Variants in CANX observed in about 807,000 individuals in gnomAD.
CANX encodes the protein epididymis secretory sperm binding protein.
In CANX, 14 loss-of-function variants were observed where a neutral mutation model predicts 75.7. The observed-to-expected ratio is 0.19, with a 90% CI of 0.12 to 0.29. The LOEUF is 0.29. Ranked by LOEUF, CANX falls within the 10% of genes least tolerant of loss-of-function variation. CANX has a pLI of 1.00. For missense variants in CANX, 567 were observed against 713.2 expected (o/e 0.79, Z 2.34); for synonymous variants, 227 against 236.9 (o/e 0.96, Z 0.38).
upstream of CANX, chr5:179,694,194 A>G: frequency 3.2e-6 from 1 of 311,572 alleles, no homozygotes. Context: ...CAATACAGCC[A>G]GGATGGCTAA....
chr5:179,689,841 A>G (rs866942632), intron 1 of CANX, among the ~76,000 whole-genome samples: 25 of 152,280 alleles, frequency 1.6e-4, no homozygotes, highest in Admixed American at 5.2e-4. Context: ...GATTTTGAGG[A>G]CATTTAATGA....
intron 1 of CANX, among the ~76,000 whole-genome samples, chr5:179,680,124 A>G (rs907311989): frequency 6.6e-6 from 1 of 152,032 alleles, no homozygotes; most frequent in Admixed American, 6.6e-5. Context: ...CAGGACTTTC[A>G]TATTTCAGAT....
chr5:179,684,596 T>C (rs1406207184), intron 1 of CANX, among the ~76,000 whole-genome samples: 1 of 151,944 alleles, frequency 6.6e-6, no homozygotes, highest in Non-Finnish European at 1.5e-5. Flanking sequence ...CACCTCGGCC[T>C]CCCAAAGTGC....
rs779124132 is a variant in CANX, at chr5:179,705,746, A to T, written c.65A>T (p.Asp22Val). 3.0e-5 allele frequency: 48 copies of T among 1,608,524 alleles called. No individual in the cohort carries two copies. The highest frequency in any genetic ancestry group is 4.0e-5 in the Non-Finnish European group (47 of 1,174,992). Residue 22 changes from aspartate (D) to valine (V), a missense_variant, in exon 2 of 15, where the codon GAT becomes GTT. By Grantham distance (152) the Asp-to-Val change is radical (BLOSUM62 -3). Transcript: ENST00000247461. ...VLGTAIVEAH[D>V]GHDDDVIDIE... Reference sequence around the variant, plus strand: ...GGAACTGCTATTGTTGAGGCTCATGATGGACATGATGATGATGTGATTGAT... The same window carrying T: ...GGAACTGCTATTGTTGAGGCTCATGTTGGACATGATGATGATGTGATTGAT...
chr5:179,719,799 C>A lies in CANX; in HGVS notation c.1025+18C>A. 1.5e-6 allele frequency: 2 copies of A among 1,335,504 alleles called. No homozygotes were observed. The highest frequency in any genetic ancestry group is 2.1e-6 in the Non-Finnish European group (2 of 952,306). 82.7% of individuals were successfully genotyped at this position (1,335,504 alleles called of 1,614,324 possible). A position where few individuals can be genotyped will look rare whatever the true frequency, so the allele number is the denominator to read the frequency against. On this transcript the variant is annotated intron_variant, in intron 9 of 14. Transcript: ENST00000247461. ...GAGGATTGGTAAGAACTTCAGTTAA[C>A]TTTTTTTAATTACCTGGTTTTTTTG...
intron 14 of CANX, among the ~76,000 whole-genome samples, chr5:179,727,504 A>G (rs1041978745): frequency 6.6e-6 from 1 of 152,192 alleles, no homozygotes; most frequent in East Asian, 1.9e-4. Flanking sequence ...ATTGAGGCCT[A>G]AAGTGGTTGT....
At chr5:179,680,100 T>G (rs183986841) in intron 1 of CANX, among the ~76,000 whole-genome samples, 275 of 151,802 alleles carry the variant, frequency 1.8e-3, no homozygotes, top group South Asian at 0.014. Context: ...TGTGAGCCAC[T>G]GTACCCGGCA....
At chr5:179,686,102 CTTT>C (rs757104413) in intron 1 of CANX, among the ~76,000 whole-genome samples, 2 of 128,598 alleles carry the variant, frequency 1.6e-5, no homozygotes, top group African/African-American at 2.8e-5. Flanking sequence ...TTGTTCAAGT[CTTT>C]TTTTTTTTTT....
intron 1 of CANX, among the ~76,000 whole-genome samples, chr5:179,687,043 C>T (rs1230891712): frequency 6.6e-6 from 1 of 152,152 alleles, no homozygotes; most frequent in Non-Finnish European, 1.5e-5. Flanking sequence ...TCCCAAAGGT[C>T]TGGGAATACA....
At chr5:179,694,652 T>C, upstream of CANX, 1 of 794,600 alleles carries the variant, frequency 1.3e-6, no homozygotes, top group Non-Finnish European at 2.2e-6. Flanking sequence ...AGAAGGATGT[T>C]GCTGATTCTA....
chr5:179,679,731 T>A (rs1776005864), intron 1 of CANX, among the ~76,000 whole-genome samples: 3 of 152,008 alleles, frequency 2.0e-5, no homozygotes. Context: ...CGATCTTGGC[T>A]CACTGCAACC....
chr5:179,731,582 CAT>C lies in CANX; in HGVS notation c.*2941_*2942del, dbSNP rs923196525. Among the ~76,000 whole-genome samples the C allele has an allele frequency of 5.3e-5, 8 of 151,918 alleles. No individual in the cohort carries two copies. Among genetic ancestry groups the C allele is most frequent in the African/African-American group, 1.7e-4 (7 of 41,380 alleles). ...TTTTTCTGCTGCGTTTGTATGAAGA[CAT>C]ATTTGATTGTTGTTTTCTCTTGATT... On this transcript the variant is annotated 3_prime_UTR_variant, in exon 15 of 15. Transcript: ENST00000247461.
chr5:179,681,133 A>G (rs1169353679), intron 1 of CANX, among the ~76,000 whole-genome samples: 1 of 152,144 alleles, frequency 6.6e-6, no homozygotes, highest in Non-Finnish European at 1.5e-5. Flanking sequence ...CTGACCGCTG[A>G]GCTGTCAGAT....
rs1778904933 is a variant in CANX at position 179,730,089 on chromosome 5, GTTA to G, written c.*1452_*1454del. ...TCCCACACCACTATAGTGTAATAAT[GTTA>G]TTATTACTCTACACTGAAACGTATT... On this transcript the variant is annotated 3_prime_UTR_variant, in exon 15 of 15. Coordinates refer to ENST00000247461, the MANE Select transcript of CANX (RefSeq NM_001746.4). 6.6e-6 allele frequency: 1 copy of G among 152,378 alleles called. No individual in the cohort carries two copies. The highest frequency in any genetic ancestry group is 1.5e-5 in the Non-Finnish European group (1 of 68,004). 9.4% of individuals were successfully genotyped at this position (152,378 alleles called of 1,614,324 possible).
intron 8 of CANX, 75 bp downstream of exon 8, chr5:179,716,369 T>TACA (rs1477619853): frequency 9.4e-7 from 1 of 1,062,506 alleles, no homozygotes; most frequent in Non-Finnish European, 1.4e-6. Flanking sequence ...AACGAAATGT[T>TACA]GGTTGAGTAA....
chr5:179,694,134 A>G (rs1243578160), upstream of CANX: 55 of 173,462 alleles, frequency 3.2e-4, no homozygotes, highest in Non-Finnish European at 5.4e-4. Flanking sequence ...ACAAGAGAGA[A>G]ACTCCGTCTC....
At position 179,720,396 on chromosome 5, in the gene CANX, C is replaced by T; in HGVS notation, c.1026-8C>T. The T allele has an allele frequency of 2.5e-6, 4 of 1,613,050 alleles. No homozygotes were observed. Among genetic ancestry groups the T allele is most frequent in the Non-Finnish European group, 3.4e-6 (4 of 1,179,070 alleles). Reference sequence around the variant, plus strand: ...CCTGTTTATAATTTGTTGTTTGTACCTCCGTAGGGATGAAGACATGGATGG... The same window carrying T: ...CCTGTTTATAATTTGTTGTTTGTACTTCCGTAGGGATGAAGACATGGATGG... On this transcript the variant is annotated splice_polypyrimidine_tract_variant and splice_region_variant and intron_variant, in intron 9 of 14. Transcript: ENST00000247461.
intron 1 of CANX, among the ~76,000 whole-genome samples, chr5:179,681,944 TA>T (rs58981244): frequency 0.42 from 51,878 of 124,806 alleles, 10,242 homozygotes; most frequent in South Asian, 0.56. Context: ...ACCCTGTGTT[TA>T]AAAAAAAAAA....
At chr5:179,726,635 C>A in intron 13 of CANX, 45 bp from the exon 14 acceptor site, 2 of 1,345,868 alleles carry the variant, frequency 1.5e-6, no homozygotes, top group Non-Finnish European at 2.1e-6. Context: ...TATATAATCA[C>A]CAAAAATAAT....
Sources: allele counts gnomAD v4.1 joint callset (sites outside exome capture counted in the v4.1 genomes callset), GRCh38; gene constraint gnomAD v4.1.1; transcripts MANE v1.5; gene names NCBI Gene and HGNC (gene_info 2026-07-23, HGNC 2026-07-21).